The following TBC1D13 variants were observed in gnomAD, a reference collection of about 807,000 sequenced individuals.
The protein encoded by TBC1D13 is TBC1 domain family member 13.
In TBC1D13, 40 loss-of-function variants were observed where a neutral mutation model predicts 53.6. The ratio of observed to expected loss-of-function variants is 0.75; its 90% CI spans 0.58 to 0.97. TBC1D13 has a LOEUF of 0.97. Among genes scored for constraint, TBC1D13 ranks in the 50% least tolerant of loss-of-function variants. The pLI is 0.00. For synonymous variants in TBC1D13, 182 were observed against 197.7 expected, an observed-to-expected ratio of 0.92 and a Z score of 0.67; for missense variants, 377 against 499.4, an observed-to-expected ratio of 0.75 and a Z score of 2.34.
At chr9:128,803,209 A>G in intron 7 of TBC1D13, 41 bp from the exon 8 acceptor site, 1 of 1,585,996 alleles carries the variant, frequency 6.3e-7, no homozygotes, top group Non-Finnish European at 8.7e-7. Context: ...CACTGACCCC[A>G]GCATTGTCTT....
At chr9:128,806,695 C>T (rs571187889) in intron 11 of TBC1D13, among the ~76,000 whole-genome samples, 13 of 152,148 alleles carry the variant, frequency 8.5e-5, no homozygotes, top group Non-Finnish European at 1.6e-4. Flanking sequence ...ATAATCCCAG[C>T]ACTTTGGGAG....
intron 10 of TBC1D13, 69 bp from the exon 11 acceptor site, chr9:128,806,185 G>A (rs1021330392): frequency 1.9e-5 from 30 of 1,610,150 alleles, no homozygotes; most frequent in Non-Finnish European, 2.4e-5. Flanking sequence ...TGGGTAGGGA[G>A]GGAGGAGTGG....
At chr9:128,806,853 A>C (rs1829844218) in intron 11 of TBC1D13, among the ~76,000 whole-genome samples, 1 of 151,824 alleles carries the variant, frequency 6.6e-6, no homozygotes, top group African/African-American at 2.4e-5. Flanking sequence ...CTGAGGTAGG[A>C]GAATCACTTT....
intron 11 of TBC1D13, among the ~76,000 whole-genome samples, chr9:128,807,259 G>A (rs1357409938): frequency 6.6e-6 from 1 of 150,786 alleles, no homozygotes; most frequent in Non-Finnish European, 1.5e-5. Context: ...GCTAATTTTT[G>A]TACCTTTAGT....
Position 128,787,273 on chromosome 9 carries a change from G to C in TBC1D13, c.-81G>C, listed in dbSNP as rs185059156. The C allele has an allele frequency of 1.5e-5, 18 of 1,236,266 alleles. No individual in the cohort carries two copies. The South Asian group carries it at 1.6e-4, about 11-fold the overall frequency. The allele number at this position is 1,236,266 out of a possible 1,614,324, so 76.6% of individuals were successfully genotyped here. A position where few individuals can be genotyped will look rare whatever the true frequency, so the allele number is the denominator to read the frequency against. On this transcript the variant is annotated 5_prime_UTR_variant, in exon 1 of 12. Coordinates refer to ENST00000372648, the MANE Select transcript of TBC1D13 (RefSeq NM_018201.5). ...CTTTTGCGCAGAGCCCCGCGTCCCTGGGGGGCGGCGGCGGCGGCGGCAGCG... is the reference window on the plus strand; with the variant it reads ...CTTTTGCGCAGAGCCCCGCGTCCCTCGGGGGCGGCGGCGGCGGCGGCAGCG...
intron 7 of TBC1D13, among the ~76,000 whole-genome samples, chr9:128,800,367 C>CTTTT (rs780656078): frequency 0.02 from 2,178 of 106,654 alleles, 77 homozygotes; most frequent in Non-Finnish European, 0.025. Context: ...TATCTTCCAA[C>CTTTT]TTTTTTTTTT....
In TBC1D13 at chr9:128,803,326, A is replaced by C. The variant is rs1459414022; in HGVS notation, c.620A>C (p.His207Pro). Reference protein sequence around the residue: ...YEVLPNGCEAHWEVVERILFI... With the variant: ...YEVLPNGCEAPWEVVERILFI... ...GTGCTGCCCAATGGCTGTGAGGCCC[A>C]CTGGGAGGTGGTGGAGCGGATCCTG... The change falls in exon 8 of 12, where the codon CAC (histidine) becomes CCC (proline). Residue 207 changes from histidine (H) to proline (P), a missense_variant. His to Pro is a moderately conservative substitution (Grantham distance 77). Transcript: ENST00000372648. 1 of 1,614,240 alleles carries C rather than the reference A, an allele frequency of 6.2e-7. No individual in the cohort carries two copies. The highest frequency in any genetic ancestry group is 1.1e-5 in the South Asian group (1 of 91,090).
chr9:128,803,491 G>A (rs373724620), intron 8 of TBC1D13, 31 bp downstream of exon 8: 17 of 1,605,574 alleles, frequency 1.1e-5, no homozygotes, highest in African/African-American at 9.4e-5. Context: ...CACATCCCTC[G>A]TTGCTGGCCC....
chr9:128,787,622 C>G (rs923400478), intron 1 of TBC1D13, among the ~76,000 whole-genome samples: 18 of 151,160 alleles, frequency 1.2e-4, no homozygotes, highest in African/African-American at 4.4e-4. Context: ...TCCCCCTTCC[C>G]CTGAGTCTTC....
At chr9:128,796,170 C>G (rs1166006788) in intron 6 of TBC1D13, among the ~76,000 whole-genome samples, 1 of 152,198 alleles carries the variant, frequency 6.6e-6, no homozygotes, top group Non-Finnish European at 1.5e-5. Flanking sequence ...TCACTGCAAT[C>G]TCCTCCTCCC....
Position 128,806,039 on chromosome 9 carries a change from GTCA to G in TBC1D13, c.1079+24_1079+26del. On this transcript the variant is annotated intron_variant, in intron 10 of 11. Transcript: ENST00000372648. Reference sequence around the variant, plus strand: ...GCTCATGTGAGTGCGGGCATGAGCTGTCATCAGCTCACCTGGGCAGTCCTTGGA... The same window carrying G: ...GCTCATGTGAGTGCGGGCATGAGCTGTCAGCTCACCTGGGCAGTCCTTGGA... The G allele has an allele frequency of 2.5e-6, 4 of 1,610,688 alleles. No individual in the cohort carries two copies. Among genetic ancestry groups the G allele is most frequent in the Non-Finnish European group, 3.4e-6 (4 of 1,177,592 alleles).
intron 9 of TBC1D13, 90 bp downstream of exon 9, chr9:128,804,209 C>T (rs1360714810): frequency 1.4e-6 from 2 of 1,473,674 alleles, no homozygotes; most frequent in African/African-American, 1.4e-5. Flanking sequence ...TCGCTTGAGT[C>T]TGGGGGTCAG....
At position 128,808,385 on chromosome 9, in the gene TBC1D13, C is replaced by T; in HGVS notation, c.*506C>T. 2 of 198,294 alleles carry T rather than the reference C, an allele frequency of 1.0e-5. No individual in the cohort carries two copies. Among genetic ancestry groups the T allele is most frequent in the Non-Finnish European group, 1.0e-5 (1 of 96,760 alleles). 12.3% of individuals were successfully genotyped at this position (198,294 alleles called of 1,614,324 possible). Reference sequence around the variant, plus strand: ...TGTAGTCGGTCGGTGTGAATGTGGGCCCAAGTCCCCAGGCATCTTCTCCGT... The same window carrying T: ...TGTAGTCGGTCGGTGTGAATGTGGGTCCAAGTCCCCAGGCATCTTCTCCGT... On this transcript the variant is annotated 3_prime_UTR_variant, in exon 12 of 12. Transcript: ENST00000372648.
chr9:128,790,161 G>A (rs986143181), intron 2 of TBC1D13, among the ~76,000 whole-genome samples: 5 of 150,746 alleles, frequency 3.3e-5, no homozygotes, highest in Non-Finnish European at 5.9e-5. Flanking sequence ...CAAGGCTGAG[G>A]CAGAAGAATT....
At chr9:128,797,971 G>T (rs1211637705) in intron 7 of TBC1D13, among the ~76,000 whole-genome samples, 2 of 152,236 alleles carry the variant, frequency 1.3e-5, no homozygotes, top group African/African-American at 2.4e-5. Context: ...ATTTGGCCCT[G>T]GCCAGGTGTG....
chr9:128,787,478 AC>A, intron 1 of TBC1D13, 102 bp downstream of exon 1: 4 of 1,174,884 alleles, frequency 3.4e-6, no homozygotes, highest in Non-Finnish European at 4.3e-6. Flanking sequence ...GAATCGGCAG[AC>A]CCCCTCGGCA....
In TBC1D13 at chr9:128,804,109, A is replaced by T. The variant is rs1589575734; in HGVS notation, c.908A>T (p.Tyr303Phe). The change falls in exon 9 of 12, where the codon TAC (tyrosine) becomes TTC (phenylalanine). Residue 303 changes from tyrosine to phenylalanine, a missense_variant. Physicochemically the swap from Tyr to Phe is conservative, Grantham distance 22 (BLOSUM62 3). Coordinates refer to ENST00000372648, the MANE Select transcript of TBC1D13 (RefSeq NM_018201.5). ...STLKDKDVEL[Y>F]LKLQEQNIKP... ...TTGAAAGATAAGGATGTGGAGCTCT[A>T]CCTGAAACTGGTGAGGACCCCAGGA... is the stretch of plus-strand genomic sequence containing the variant. 6.2e-7 allele frequency: 1 copy of T among 1,613,784 alleles called. No homozygotes were observed. The highest frequency in any genetic ancestry group is 1.1e-5 in the South Asian group (1 of 91,074).
At position 128,807,815 on chromosome 9, in the gene TBC1D13, A is replaced by G; in HGVS notation, c.1139A>G (p.Asp380Gly). Reference protein sequence around the residue: ...DFTVNMRLLQDYPITDVCQIL... With the variant: ...DFTVNMRLLQGYPITDVCQIL... ...CTGTTGGCCTTTTCCTGTGCCCAGGACTACCCCATCACAGATGTCTGCCAG... is the reference window on the plus strand; with the variant it reads ...CTGTTGGCCTTTTCCTGTGCCCAGGGCTACCCCATCACAGATGTCTGCCAG... The change falls in exon 12 of 12, where the codon GAC becomes GGC. Residue 380 changes from aspartate (D) to glycine (G), a missense_variant and splice_region_variant. By Grantham distance (94) the Asp-to-Gly change is moderately conservative. Coordinates refer to ENST00000372648, the MANE Select transcript of TBC1D13 (RefSeq NM_018201.5). The G allele has an allele frequency of 6.2e-7, 1 of 1,614,094 alleles. No homozygotes were observed. The highest frequency in any genetic ancestry group is 8.5e-7 in the Non-Finnish European group (1 of 1,180,006).
At chr9:128,792,441 C>T (rs377651301) in intron 5 of TBC1D13, 51 bp from the exon 6 acceptor site, 33 of 1,564,840 alleles carry the variant, frequency 2.1e-5, no homozygotes, top group African/African-American at 1.4e-4. Flanking sequence ...TAGAATCGGG[C>T]CCCGGGGCCT....
Sources: gnomAD v4.1 joint callset for allele counts (sites outside exome capture counted in the v4.1 genomes callset) on GRCh38, gnomAD v4.1.1 for gene constraint, MANE v1.5 for transcripts, NCBI Gene and HGNC (gene_info 2026-07-23, HGNC 2026-07-21) for gene names.